The following CDH13 variants were observed in gnomAD, a reference collection of about 807,000 sequenced individuals.
CDH13 encodes cadherin 13.
Under a neutral mutation model 63.8 loss-of-function variants are expected in CDH13, and 24 were observed. That is an observed-to-expected ratio of 0.38 (90% CI 0.27 to 0.53). The LOEUF (loss-of-function observed/expected upper bound fraction) is 0.53. Among genes scored for constraint, CDH13 ranks in the 20% least tolerant of loss-of-function variants. The pLI is 0.85. For synonymous variants in CDH13, 503 were observed against 355.3 expected (o/e 1.42, Z -4.67); for missense variants, 1,049 against 903.1 (o/e 1.16, Z -2.07).
At chr16:82,930,511 A>G (rs1319622378) in intron 2 of CDH13, among the ~76,000 whole-genome samples, 1 of 152,182 alleles carries the variant, frequency 6.6e-6, no homozygotes, top group Non-Finnish European at 1.5e-5. Context: ...GATGCCAAAT[A>G]TAGATACATA....
intron 2 of CDH13, among the ~76,000 whole-genome samples, chr16:82,948,836 A>G (rs1489833378): frequency 1.3e-5 from 2 of 152,184 alleles, no homozygotes; most frequent in Non-Finnish European, 1.5e-5. Flanking sequence ...ATTGTAGAGT[A>G]TTAATTATTT....
chr16:83,127,555 C>G (rs889792892), intron 4 of CDH13, among the ~76,000 whole-genome samples: 1 of 151,942 alleles, frequency 6.6e-6, no homozygotes, highest in African/African-American at 2.4e-5. Flanking sequence ...CGTGGCGAAA[C>G]CCCGTCTCAA....
At chr16:83,334,429 T>G (rs1353855946) in intron 5 of CDH13, among the ~76,000 whole-genome samples, 1 of 148,798 alleles carries the variant, frequency 6.7e-6, no homozygotes, top group African/African-American at 2.5e-5. Context: ...TAGAGTGCAG[T>G]TGCACAATCA....
At chr16:83,071,362 G>T (rs2032425684) in intron 3 of CDH13, among the ~76,000 whole-genome samples, 1 of 152,178 alleles carries the variant, frequency 6.6e-6, no homozygotes, top group South Asian at 2.1e-4. Context: ...AATCAAGGAG[G>T]TTAAATAGTC....
At chr16:83,505,270 G>T (rs1238104233) in intron 7 of CDH13, among the ~76,000 whole-genome samples, 1 of 152,178 alleles carries the variant, frequency 6.6e-6, no homozygotes, top group Non-Finnish European at 1.5e-5. Context: ...TGCCTAGCGG[G>T]CGTTAGCCTA....
chr16:83,794,472 G>A (rs569920168), intron 13 of CDH13, among the ~76,000 whole-genome samples: 120 of 152,280 alleles, frequency 7.9e-4, no homozygotes, highest in Middle Eastern at 6.8e-3. Flanking sequence ...AGGATCGCTT[G>A]AGCCCAGGAG....
intron 2 of CDH13, among the ~76,000 whole-genome samples, chr16:82,968,775 C>T (rs1908251139): frequency 6.6e-6 from 1 of 152,168 alleles, no homozygotes; most frequent in South Asian, 2.1e-4. Flanking sequence ...CTCCGTTCCC[C>T]TCAATAGGCT....
At chr16:82,672,753 G>T (rs1161037809) in intron 1 of CDH13, among the ~76,000 whole-genome samples, 1 of 143,126 alleles carries the variant, frequency 7.0e-6, no homozygotes, top group Non-Finnish European at 1.5e-5. Flanking sequence ...CTTTAAGAAA[G>T]GAAATATATA....
chr16:83,447,713 A>G (rs1358165358), intron 6 of CDH13, among the ~76,000 whole-genome samples: 1 of 150,910 alleles, frequency 6.6e-6, no homozygotes, highest in East Asian at 1.9e-4. Flanking sequence ...GAAGTTAGAG[A>G]TAATCATTTT....
chr16:83,402,249 G>A (rs986354039), intron 6 of CDH13, among the ~76,000 whole-genome samples: 5 of 152,010 alleles, frequency 3.3e-5, no homozygotes, highest in Admixed American at 1.3e-4. Flanking sequence ...CTCCCGGAGC[G>A]CCACCTATTG....
intron 8 of CDH13, among the ~76,000 whole-genome samples, chr16:83,622,382 A>C (rs1909896614): frequency 6.6e-6 from 1 of 152,224 alleles, no homozygotes; most frequent in African/African-American, 2.4e-5. Context: ...AAATGAGAGA[A>C]ATCAGGCCCC....
chr16:82,712,471 G>C (rs144143867), intron 1 of CDH13, among the ~76,000 whole-genome samples: 1 of 152,028 alleles, frequency 6.6e-6, no homozygotes, highest in Admixed American at 6.5e-5. Context: ...GTAATAAATC[G>C]TGCCTGATAA....
In CDH13 at chr16:83,319,266, A is replaced by T. The variant is rs984638482; in HGVS notation, c.637-25596A>T. Among the ~76,000 whole-genome samples the T allele has an allele frequency of 3.9e-5, 6 of 152,296 alleles. No homozygotes were observed. The East Asian group carries it at 1.2e-3, about 29-fold the overall frequency. On this transcript the variant is annotated intron_variant, in intron 5 of 13. Transcript: ENST00000567109. ...CTTTTAAAAATATTGGCATGTTTGG[A>T]TATCAAATATTTGACCTCTAGGATT...
At chr16:82,807,727 A>G (rs1466164385) in intron 1 of CDH13, among the ~76,000 whole-genome samples, 3 of 152,194 alleles carry the variant, frequency 2.0e-5, no homozygotes, top group Admixed American at 2.0e-4. Flanking sequence ...TGAAAGAAGC[A>G]GTTAATTCCC....
At chr16:82,786,498 G>T (rs1047540438) in intron 1 of CDH13, among the ~76,000 whole-genome samples, 809 of 52,820 alleles carry the variant, frequency 0.015, 5 homozygotes, top group African/African-American at 0.039. Context: ...TTCTTCTTTT[G>T]TGTGTGTGTG....
At chr16:82,918,604 G>T (rs886593316) in intron 2 of CDH13, among the ~76,000 whole-genome samples, 2 of 151,032 alleles carry the variant, frequency 1.3e-5, no homozygotes, top group African/African-American at 2.4e-5. Context: ...TGCCTCCCAG[G>T]TTCAAGCGCT....
At chr16:83,032,890 A>G (rs8056545) in intron 3 of CDH13, among the ~76,000 whole-genome samples, 152,298 of 152,304 alleles carry the variant, frequency 1, 76,146 homozygotes, top group Non-Finnish European at 1. Flanking sequence ...TGGTGGATAG[A>G]CCAGAAAAGG....
In CDH13 at chr16:83,415,872, C is replaced by G. The variant is rs144284247; in HGVS notation, c.782-70605C>G. Among the ~76,000 whole-genome samples, 4 of 152,254 alleles carry G rather than the reference C, an allele frequency of 2.6e-5. No homozygotes were observed. The East Asian group carries it at 5.8e-4, about 22-fold the overall frequency. On this transcript the variant is annotated intron_variant, in intron 6 of 13. Coordinates refer to ENST00000567109, the MANE Select transcript of CDH13 (RefSeq NM_001257.5). Reference sequence around the variant, plus strand: ...ATAGGGATACTCACTGTCACCAGTTCTATTCAACATAGTCCTGGAAGTCCT... The same window carrying G: ...ATAGGGATACTCACTGTCACCAGTTGTATTCAACATAGTCCTGGAAGTCCT...
intron 1 of CDH13, among the ~76,000 whole-genome samples, chr16:82,733,287 G>A (rs1198142325): frequency 6.6e-6 from 1 of 152,146 alleles, no homozygotes; most frequent in African/African-American, 2.4e-5. Flanking sequence ...AAAGTTATCA[G>A]CCCAGCAGCA....
Sources: allele counts gnomAD v4.1 joint callset (sites outside exome capture counted in the v4.1 genomes callset), GRCh38; gene constraint gnomAD v4.1.1; transcripts MANE v1.5; gene names NCBI Gene and HGNC (gene_info 2026-07-23, HGNC 2026-07-21).